DGKH: variants seen among roughly 807,000 people sequenced by gnomAD.
DGKH encodes the protein DAG kinase eta.
In DGKH, 90 loss-of-function variants were observed where a neutral mutation model predicts 159.3. That is an observed-to-expected ratio of 0.57 (90% CI 0.48 to 0.67). The LOEUF (loss-of-function observed/expected upper bound fraction) is 0.67. Among genes scored for constraint, DGKH ranks in the 30% least tolerant of loss-of-function variants. The pLI is 0.00. For missense variants in DGKH, 1,181 were observed against 1,506.1 expected (o/e 0.78, Z 3.57); for synonymous variants, 536 against 553.8 (o/e 0.97, Z 0.45).
intron 26 of DGKH, chr13:42,216,716 G>A (rs1258146588): frequency 6.6e-6 from 1 of 152,208 alleles, no homozygotes; most frequent in Non-Finnish European, 1.5e-5. Flanking sequence ...GCTTCCTTGG[G>A]ACAAGAGGTG....
rs1196987732 is a variant in DGKH, at chr13:42,151,544, T to C, written c.385-3747T>C. Among the ~76,000 whole-genome samples, 4 of 110,872 alleles carry C rather than the reference T, an allele frequency of 3.6e-5. No individual in the cohort carries two copies. The East Asian group carries it at 1.4e-3, about 39-fold the overall frequency. The allele number at this position is 110,872 out of a possible 152,430, so 72.7% of individuals were successfully genotyped here. ...ATATATACACGTGTATATATATATA[T>C]ACACGTGTATATATGTAGTTTCACT... On this transcript the variant is annotated intron_variant, in intron 3 of 29. Transcript: ENST00000337343.
intron 1 of DGKH, among the ~76,000 whole-genome samples, chr13:42,124,751 A>G (rs924346942): frequency 2.6e-5 from 4 of 152,196 alleles, no homozygotes; most frequent in African/African-American, 9.7e-5. Context: ...ATGAGTTGCA[A>G]TTATAAAAAC....
intron 7 of DGKH, among the ~76,000 whole-genome samples, chr13:42,163,837 C>A (rs1000770779): frequency 7.9e-5 from 12 of 151,882 alleles, no homozygotes; most frequent in Admixed American, 2.6e-4. Flanking sequence ...ATGGTAGTTT[C>A]TTTTGCTGTG....
chr13:42,087,080 CACA>C lies in DGKH; in HGVS notation c.192+38116_192+38118del, dbSNP rs1954320564. 4.7e-5 allele frequency among the ~76,000 whole-genome samples: 7 copies of C among 150,144 alleles called. No homozygotes were observed. The South Asian group carries it at 8.4e-4, about 18-fold the overall frequency. On this transcript the variant is annotated intron_variant, in intron 1 of 29. Coordinates refer to ENST00000337343, the MANE Select transcript of DGKH (RefSeq NM_178009.5). Reference sequence around the variant, plus strand: ...ACACACACACACACACACACACACACACACCTCAGAACAGAGTAGGCACAACAA... The same window carrying C: ...ACACACACACACACACACACACACACCCTCAGAACAGAGTAGGCACAACAA...
chr13:42,178,362 A>G (rs1016375480), intron 13 of DGKH, 142 bp downstream of exon 13: 21 of 584,402 alleles, frequency 3.6e-5, no homozygotes, highest in African/African-American at 7.4e-5. Context: ...CTAAATTTGA[A>G]TTGATTTTTA....
At position 42,190,501 on chromosome 13, in the gene DGKH, G is replaced by C. The variant is rs766194972; in HGVS notation, c.2011G>C (p.Asp671His). ...TDESKEEAKD[D>H]GAKESITVKT... The stretch of plus-strand genomic sequence containing the variant: ...TGAATCTAAGGAGGAAGCTAAAGAT[G>C]ATGGTGCCAAAGAATCAATAACTGG... The change falls in exon 16 of 30, where the codon GAT becomes CAT. Residue 671 changes from aspartate to histidine, a missense_variant. This residue lies in a region of DGKH where 257 missense variants were observed against 281.5 expected (regional missense o/e 0.91). Coordinates refer to ENST00000337343, the MANE Select transcript of DGKH (RefSeq NM_178009.5). 108 of 1,602,948 alleles carry C rather than the reference G, an allele frequency of 6.7e-5. 1 individual carries two copies. Among genetic ancestry groups the C allele is most frequent in the Non-Finnish European group, 8.5e-7 (1 of 1,176,154 alleles).
At chr13:42,147,090 C>G (rs1002996364) in intron 3 of DGKH, among the ~76,000 whole-genome samples, 6 of 152,070 alleles carry the variant, frequency 3.9e-5, no homozygotes, top group African/African-American at 1.4e-4. Context: ...TGCACAAGGA[C>G]TGGAGAGCTG....
chr13:42,069,617 A>T, intron 1 of DGKH: 2 of 1,450,094 alleles, frequency 1.4e-6, no homozygotes, highest in Non-Finnish European at 1.9e-6. Context: ...TCACATTTTG[A>T]TTTTCTTTTC....
rs752207897 is a variant in DGKH, at chr13:42,215,590, A to G, written c.3136A>G (p.Thr1046Ala). ...PRCPESLTRD[T>A]ATEIAINVKA... is the part of the protein sequence containing the mutation. ...TCTTTTCTAGAGTCTTACAAGAGAC[A>G]CTGCCACTGAAATAGCCATCAATGT... Residue 1046 changes from threonine to alanine, a missense_variant, in exon 26 of 30, where the codon ACT becomes GCT. Thr to Ala is a moderately conservative substitution (Grantham distance 58, BLOSUM62 0). Coordinates refer to ENST00000337343, the MANE Select transcript of DGKH (RefSeq NM_178009.5). The G allele has an allele frequency of 1.2e-6, 2 of 1,610,510 alleles. No individual in the cohort carries two copies. The highest frequency in any genetic ancestry group is 1.1e-5 in the South Asian group (1 of 90,518).
chr13:42,076,493 C>T (rs1050409370), intron 1 of DGKH, among the ~76,000 whole-genome samples: 5 of 152,220 alleles, frequency 3.3e-5, no homozygotes, highest in East Asian at 1.9e-4. Flanking sequence ...GGGAGAAAGA[C>T]ACGGTATTTA....
At chr13:42,176,968 CT>C (rs1296887833) in intron 12 of DGKH, among the ~76,000 whole-genome samples, 1 of 152,086 alleles carries the variant, frequency 6.6e-6, no homozygotes, top group Non-Finnish European at 1.5e-5. Context: ...ATTATGGATG[CT>C]TTTGGCATTT....
intron 30 of DGKH, among the ~76,000 whole-genome samples, chr13:42,253,914 T>A (rs529079206): frequency 1.8e-4 from 27 of 150,606 alleles, no homozygotes; most frequent in African/African-American, 6.6e-4. Flanking sequence ...CAACTTAGTA[T>A]GAAAAAAAGA....
intron 5 of DGKH, among the ~76,000 whole-genome samples, chr13:42,157,899 A>G (rs1214746627): frequency 1.3e-5 from 2 of 152,220 alleles, no homozygotes; most frequent in Non-Finnish European, 2.9e-5. Context: ...AGCTGGGATT[A>G]CAGGCATGCG....
At chr13:42,054,846 G>C (rs1881634615) in intron 1 of DGKH, among the ~76,000 whole-genome samples, 1 of 151,920 alleles carries the variant, frequency 6.6e-6, no homozygotes, top group South Asian at 2.1e-4. Flanking sequence ...CCATGTACCA[G>C]AAATATGTAC....
upstream of DGKH, among the ~76,000 whole-genome samples, chr13:42,047,337 A>C (rs1182446795): frequency 6.6e-6 from 1 of 152,234 alleles, no homozygotes; most frequent in African/African-American, 2.4e-5. Context: ...TTAAAAAAAA[A>C]AATTAGAACC....
At position 42,189,217 on chromosome 13, in the gene DGKH, C is replaced by A; in HGVS notation, c.1820C>A (p.Ser607Tyr). The A allele has an allele frequency of 6.2e-7, 1 of 1,614,210 alleles. No homozygotes were observed. The highest frequency in any genetic ancestry group is 8.5e-7 in the Non-Finnish European group (1 of 1,180,046). ...EQLGDDVTKP[S>Y]SQKAVKPREI... The stretch of plus-strand genomic sequence containing the variant: ...CTTGGGGATGACGTTACAAAACCTT[C>A]CTCCCAGAAAGCCGTCAAACCAAGG... The change falls in exon 15 of 30, where the codon TCC becomes TAC. Residue 607 changes from serine (S) to tyrosine (Y), a missense_variant. By Grantham distance (144) the Ser-to-Tyr change is moderately radical. Coordinates refer to ENST00000337343, the MANE Select transcript of DGKH (RefSeq NM_178009.5).
At chr13:42,055,383 A>G (rs1881678150) in intron 1 of DGKH, among the ~76,000 whole-genome samples, 1 of 152,376 alleles carries the variant, frequency 6.6e-6, no homozygotes, top group African/African-American at 2.4e-5. Flanking sequence ...CTCTCAGTAC[A>G]GTAATATATG....
chr13:42,041,353 C>T (rs1056743873), intron 1 of DGKH, among the ~76,000 whole-genome samples: 2 of 152,126 alleles, frequency 1.3e-5, no homozygotes, highest in African/African-American at 2.4e-5. Flanking sequence ...CCCGGGGACA[C>T]GCGCCTGGAG....
intron 1 of DGKH, among the ~76,000 whole-genome samples, chr13:42,080,414 C>G (rs1954177619): frequency 6.6e-6 from 1 of 152,088 alleles, no homozygotes; most frequent in Non-Finnish European, 1.5e-5. Context: ...TTTGTTATTC[C>G]TTAATGAGTA....
Sources: gnomAD v4.1 joint callset for allele counts (sites outside exome capture counted in the v4.1 genomes callset) on GRCh38, gnomAD v4.1.1 for gene constraint, gnomAD v4.1.1 regional missense constraint, MANE v1.5 for transcripts, NCBI Gene and HGNC (gene_info 2026-07-23, HGNC 2026-07-21) for gene names.